The following PIK3C2A variants were observed in gnomAD, a reference collection of about 807,000 sequenced individuals.
The protein encoded by PIK3C2A is phosphatidylinositol 4-phosphate 3-kinase C2 domain-containing subunit alpha.
In PIK3C2A, 97 loss-of-function variants were observed where a neutral mutation model predicts 204.5. The observed-to-expected ratio is 0.47, with a 90% CI of 0.40 to 0.56. The LOEUF is 0.56. Among genes scored for constraint, PIK3C2A ranks in the 20% least tolerant of loss-of-function variants. The probability of loss-of-function intolerance (pLI) is 0.00; values close to 1 mark genes in which losing one functional copy is unlikely to be tolerated. For synonymous variants in PIK3C2A, 653 were observed against 664.4 expected, an observed-to-expected ratio of 0.98 and a Z score of 0.26; for missense variants, 1,735 against 1,969.2, an observed-to-expected ratio of 0.88 and a Z score of 2.25.
chr11:17,166,149 T>C (rs1007908405), intron 2 of PIK3C2A, among the ~76,000 whole-genome samples: 3 of 152,184 alleles, frequency 2.0e-5, no homozygotes, highest in African/African-American at 7.2e-5. Context: ...TTTAACTTCT[T>C]TACATCTCAG....
intron 23 of PIK3C2A, among the ~76,000 whole-genome samples, chr11:17,103,560 G>T (rs962187604): frequency 2.0e-5 from 3 of 152,010 alleles, no homozygotes; most frequent in Non-Finnish European, 4.4e-5. Flanking sequence ...GATGATAACA[G>T]CAAATGTTTA....
At chr11:17,100,839 T>C (rs1279870249) in intron 25 of PIK3C2A, among the ~76,000 whole-genome samples, 2 of 152,240 alleles carry the variant, frequency 1.3e-5, no homozygotes, top group South Asian at 2.1e-4. Flanking sequence ...TTTATTACCA[T>C]ATCAATTTAC....
At chr11:17,145,773 A>G in intron 7 of PIK3C2A, 42 bp from the exon 8 acceptor site, 1 of 1,556,278 alleles carries the variant, frequency 6.4e-7, no homozygotes, top group Admixed American at 1.7e-5. Context: ...GATGCTACAC[A>G]CAAAATGATT....
chr11:17,109,345 T>C (rs1304137999), intron 22 of PIK3C2A, among the ~76,000 whole-genome samples: 2 of 152,364 alleles, frequency 1.3e-5, no homozygotes, highest in Non-Finnish European at 2.9e-5. Flanking sequence ...CTTACCATTT[T>C]ATAGATGGTA....
In PIK3C2A at chr11:17,168,994, C is replaced by G. The variant is rs761715014; in HGVS notation, c.748G>C (p.Asp250His). ...ACCTGTAGATTGCTGACTTTTGAATCTGTTATCTCCAAATCAGTCCTTGCT... is the reference window on the plus strand; with the variant it reads ...ACCTGTAGATTGCTGACTTTTGAATGTGTTATCTCCAAATCAGTCCTTGCT... ...GKARTDLEIT[D>H]SKVSNLQVSP... The change falls in exon 2 of 33, where the codon GAT becomes CAT. Residue 250 changes from aspartate (D) to histidine (H), a missense_variant. Coordinates refer to ENST00000691414, the MANE Select transcript of PIK3C2A (RefSeq NM_002645.4). The G allele has an allele frequency of 6.2e-7, 1 of 1,613,538 alleles. No individual in the cohort carries two copies. Among genetic ancestry groups the G allele is most frequent in the Admixed American group, 1.7e-5 (1 of 59,904 alleles).
chr11:17,168,729 G>A lies in PIK3C2A; in HGVS notation c.1013C>T (p.Ser338Phe), dbSNP rs755939435. 6.2e-7 allele frequency: 1 copy of A among 1,610,216 alleles called. No homozygotes were observed. The highest frequency in any genetic ancestry group is 8.5e-7 in the Non-Finnish European group (1 of 1,178,338). ...LSVATVTRSQ[S>F]LNIRTTQLAK... The stretch of plus-strand genomic sequence containing the variant: ...AAGCTGAGTTGTTCGAATATTTAAA[G>A]ACTGGCTTCTTGTAACAGTTGCCAC... Residue 338 changes from serine to phenylalanine, a missense_variant, in exon 2 of 33, where the codon TCT becomes TTT. Physicochemically the swap from Ser to Phe is radical, Grantham distance 155. This residue lies in a region of PIK3C2A where 536 missense variants were observed against 546.7 expected (regional missense o/e 0.98). Transcript: ENST00000691414.
chr11:17,144,278 C>G (rs1246697563), intron 8 of PIK3C2A, among the ~76,000 whole-genome samples: 1 of 152,128 alleles, frequency 6.6e-6, no homozygotes, highest in African/African-American at 2.4e-5. Flanking sequence ...TCTTTGAACC[C>G]TCAACTTAGG....
chr11:17,162,355 A>C (rs896575693), intron 2 of PIK3C2A, among the ~76,000 whole-genome samples: 5 of 151,820 alleles, frequency 3.3e-5, no homozygotes, highest in African/African-American at 1.2e-4. Context: ...AAAAAAACAA[A>C]AACAAAAACA....
chr11:17,107,805 A>G (rs1848875119), intron 22 of PIK3C2A, among the ~76,000 whole-genome samples: 1 of 152,252 alleles, frequency 6.6e-6, no homozygotes, highest in Non-Finnish European at 1.5e-5. Flanking sequence ...GATAGAAAGT[A>G]TGTGGGGACA....
At position 17,155,592 on chromosome 11, in the gene PIK3C2A, C is replaced by T. The variant is rs1850563191; in HGVS notation, c.1103G>A (p.Ser368Asn). ...PNGTSSLPTG[S>N]SLLQEVEVQN... Reference sequence around the variant, plus strand: ...TACTTCAACTTCTTGAAGAAGAGAACTTCCAGTTGGCAAACTACTGGTCCC... The same window carrying T: ...TACTTCAACTTCTTGAAGAAGAGAATTTCCAGTTGGCAAACTACTGGTCCC... Residue 368 changes from serine (S) to asparagine (N), a missense_variant, in exon 3 of 33, where the codon AGT becomes AAT. By Grantham distance (46) the Ser-to-Asn change is conservative (BLOSUM62 1). Coordinates refer to ENST00000691414, the MANE Select transcript of PIK3C2A (RefSeq NM_002645.4). The T allele has an allele frequency of 4.4e-6, 7 of 1,609,022 alleles. No homozygotes were observed. Among genetic ancestry groups the T allele is most frequent in the Non-Finnish European group, 6.0e-6 (7 of 1,176,240 alleles).
chr11:17,120,074 C>T (rs1849324755), intron 15 of PIK3C2A, 100 bp from the exon 16 acceptor site: 2 of 546,084 alleles, frequency 3.7e-6, no homozygotes, highest in Non-Finnish European at 6.1e-6. Flanking sequence ...TTTGGGACAG[C>T]TACTTCTTCA....
At chr11:17,113,756 T>C (rs1391795492) in intron 20 of PIK3C2A, among the ~76,000 whole-genome samples, 1 of 136,278 alleles carries the variant, frequency 7.3e-6, no homozygotes, top group East Asian at 2.1e-4. Flanking sequence ...CATTCCAGCC[T>C]GAGTGACAGA....
rs550633283 is a variant in PIK3C2A, at chr11:17,189,474, G to A, written c.-66+18374C>T. ...TACTAAAAATACAAAAATTAGCTGG[G>A]CATGGTAGCACAGGCCTGTAATCCC... is the stretch of plus-strand genomic sequence containing the variant. On this transcript the variant is annotated intron_variant, in intron 1 of 32. Coordinates refer to ENST00000691414, the MANE Select transcript of PIK3C2A (RefSeq NM_002645.4). Among the ~76,000 whole-genome samples, 5 of 146,266 alleles carry A rather than the reference G, an allele frequency of 3.4e-5. No individual in the cohort carries two copies. The South Asian group carries it at 8.3e-4, about 24-fold the overall frequency.
At chr11:17,184,215 T>C (rs1269756852) in intron 1 of PIK3C2A, among the ~76,000 whole-genome samples, 2 of 122,548 alleles carry the variant, frequency 1.6e-5, no homozygotes, top group African/African-American at 5.6e-5. Context: ...GTACACTCCT[T>C]CTACTTTAAA....
At chr11:17,139,249 G>A (rs1294792702) in intron 8 of PIK3C2A, among the ~76,000 whole-genome samples, 1 of 132,016 alleles carries the variant, frequency 7.6e-6, no homozygotes. Flanking sequence ...TTTTTTTGAG[G>A]TGGAATCTCA....
At chr11:17,128,886 A>C (rs1179198414) in intron 13 of PIK3C2A, among the ~76,000 whole-genome samples, 1 of 152,208 alleles carries the variant, frequency 6.6e-6, no homozygotes, top group Non-Finnish European at 1.5e-5. Flanking sequence ...GAATTAAGGA[A>C]GGGAATAATG....
chr11:17,112,703 T>C, intron 20 of PIK3C2A, 37 bp from the exon 21 acceptor site: 1 of 1,097,606 alleles, frequency 9.1e-7, no homozygotes, highest in Non-Finnish European at 1.3e-6. Flanking sequence ...GAAAGATAAA[T>C]GAAAATGGAT....
chr11:17,113,494 T>C (rs964736829), intron 20 of PIK3C2A, among the ~76,000 whole-genome samples: 2 of 152,104 alleles, frequency 1.3e-5, no homozygotes, highest in Admixed American at 6.5e-5. Flanking sequence ...TGATCAAATC[T>C]TACTTTTAAA....
At chr11:17,194,913 GA>G (rs36004617) in intron 1 of PIK3C2A, among the ~76,000 whole-genome samples, 27 of 141,830 alleles carry the variant, frequency 1.9e-4, no homozygotes, top group Admixed American at 2.1e-4. Flanking sequence ...CCATCTCGAA[GA>G]AAAAAAAAAA....
Sources: gnomAD v4.1 joint callset for allele counts (sites outside exome capture counted in the v4.1 genomes callset) on GRCh38, gnomAD v4.1.1 for gene constraint, gnomAD v4.1.1 regional missense constraint, MANE v1.5 for transcripts, NCBI Gene and HGNC (gene_info 2026-07-23, HGNC 2026-07-21) for gene names.